TENM2: variants seen among roughly 807,000 people sequenced by gnomAD.
The protein encoded by TENM2 is teneurin-2.
TENM2 carries 52 observed loss-of-function variants against 245.2 expected under a neutral mutation model. The ratio of observed to expected loss-of-function variants is 0.21; its 90% CI spans 0.17 to 0.27. The LOEUF (loss-of-function observed/expected upper bound fraction) is 0.27, where lower values mean the gene tolerates loss of function less well. TENM2 is among the 10% of genes least tolerant of loss of function. TENM2 has a pLI of 1.00. For missense variants in TENM2, 3,046 were observed against 3,666.8 expected, an observed-to-expected ratio of 0.83 and a Z score of 4.37; for synonymous variants, 1,363 against 1,438.9, an observed-to-expected ratio of 0.95 and a Z score of 1.19.
chr5:167,883,471 C>T (rs973715708), intron 3 of TENM2, among the ~76,000 whole-genome samples: 2 of 152,244 alleles, frequency 1.3e-5, no homozygotes, highest in Non-Finnish European at 2.9e-5. Context: ...CACTCTTCTG[C>T]ACCATGGTGC....
At chr5:167,821,119 G>A (rs1444430507) in intron 2 of TENM2, 2 of 152,188 alleles carry the variant, frequency 1.3e-5, no homozygotes, top group African/African-American at 4.8e-5. Flanking sequence ...AAGGGACAGC[G>A]ATTCCTTTGC....
intron 1 of TENM2, among the ~76,000 whole-genome samples, chr5:167,337,034 G>A (rs896780091): frequency 6.8e-6 from 1 of 147,752 alleles, no homozygotes; most frequent in Non-Finnish European, 1.5e-5. Flanking sequence ...GGAGAATGGC[G>A]TGAACCCGGG....
At chr5:167,106,895 A>G in the TENM2 span, among the ~76,000 whole-genome samples, 1 of 152,098 alleles carries the variant, frequency 6.6e-6, no homozygotes, top group African/African-American at 2.4e-5. Context: ...CATAGAAGAT[A>G]GTGCTGTTGA....
chr5:168,050,853 C>T (rs1789021587), intron 6 of TENM2, among the ~76,000 whole-genome samples: 1 of 152,208 alleles, frequency 6.6e-6, no homozygotes, highest in Non-Finnish European at 1.5e-5. Flanking sequence ...CTTTCTTCCA[C>T]TCTCCTTCAA....
At chr5:167,810,566 C>G (rs1459633293) in intron 2 of TENM2, among the ~76,000 whole-genome samples, 2 of 151,544 alleles carry the variant, frequency 1.3e-5, no homozygotes, top group Non-Finnish European at 2.9e-5. Context: ...TTATTGCTCT[C>G]CAGGAATACT....
chr5:167,905,293 A>G (rs1416561989), intron 3 of TENM2, among the ~76,000 whole-genome samples: 1 of 152,214 alleles, frequency 6.6e-6, no homozygotes, highest in African/African-American at 2.4e-5. Flanking sequence ...AAAAGGGGGA[A>G]ATAGGCACTA....
At chr5:168,023,044 G>A (rs1359099689) in intron 5 of TENM2, among the ~76,000 whole-genome samples, 1 of 152,192 alleles carries the variant, frequency 6.6e-6, no homozygotes. Context: ...GGGCAGGAGG[G>A]ACTTGGATTA....
chr5:168,208,638 G>C (rs531672669), intron 19 of TENM2, among the ~76,000 whole-genome samples: 1 of 152,308 alleles, frequency 6.6e-6, no homozygotes, highest in East Asian at 1.9e-4. Flanking sequence ...ATGTGGTCAG[G>C]CTTTGAAAAT....
At chr5:167,402,410 A>G (rs1053885770) in intron 2 of TENM2, among the ~76,000 whole-genome samples, 1 of 152,128 alleles carries the variant, frequency 6.6e-6, no homozygotes, top group Non-Finnish European at 1.5e-5. Context: ...AGTCCTATTC[A>G]GTGAGAAGTA....
chr5:167,965,279 T>C (rs1382909147), intron 4 of TENM2: 1 of 152,246 alleles, frequency 6.6e-6, no homozygotes, highest in Admixed American at 6.5e-5. Flanking sequence ...GTTACATTTA[T>C]GAGGCAAGAG....
chr5:167,489,224 C>T (rs894214597), intron 2 of TENM2, among the ~76,000 whole-genome samples: 86 of 152,180 alleles, frequency 5.7e-4, no homozygotes, highest in Non-Finnish European at 5.9e-5. Context: ...TGCAATGGCA[C>T]TCTGTTGCAC....
intron 2 of TENM2, among the ~76,000 whole-genome samples, chr5:167,819,379 C>G (rs1767323588): frequency 6.6e-6 from 1 of 152,180 alleles, no homozygotes; most frequent in African/African-American, 2.4e-5. Flanking sequence ...GATGCATGTT[C>G]AGGAGAAGCT....
chr5:168,042,812 T>C (rs1354446394), intron 5 of TENM2, among the ~76,000 whole-genome samples: 1 of 152,148 alleles, frequency 6.6e-6, no homozygotes, highest in Non-Finnish European at 1.5e-5. Context: ...CCAAGAAAGT[T>C]TTCTCCAATT....
intron 5 of TENM2, among the ~76,000 whole-genome samples, chr5:168,000,805 T>C (rs1784367957): frequency 6.6e-6 from 1 of 152,192 alleles, no homozygotes; most frequent in Admixed American, 6.5e-5. Context: ...AATTATAAGG[T>C]GCATTCTGAT....
At chr5:167,523,839 A>G (rs1245741235) in intron 2 of TENM2, among the ~76,000 whole-genome samples, 2 of 152,186 alleles carry the variant, frequency 1.3e-5, no homozygotes, top group Non-Finnish European at 2.9e-5. Flanking sequence ...AGAGAGCATT[A>G]ATTAGTCCAA....
chr5:167,524,089 A>G (rs1770948131), intron 2 of TENM2, among the ~76,000 whole-genome samples: 1 of 152,192 alleles, frequency 6.6e-6, no homozygotes, highest in Non-Finnish European at 1.5e-5. Context: ...CACATTCCAT[A>G]TAGACCATAA....
chr5:167,603,139 C>T (rs1776759631), intron 2 of TENM2, among the ~76,000 whole-genome samples: 1 of 152,174 alleles, frequency 6.6e-6, no homozygotes, highest in African/African-American at 2.4e-5. Context: ...TGAGCCATCA[C>T]TAGATCCTCA....
intron 2 of TENM2, among the ~76,000 whole-genome samples, chr5:167,597,601 G>A (rs569780369): frequency 1.3e-5 from 2 of 152,326 alleles, no homozygotes; most frequent in Admixed American, 1.3e-4. Context: ...GAGTCAGGGT[G>A]GTGGGGAGCA....
At chr5:167,583,549 T>A (rs1326157239) in intron 2 of TENM2, among the ~76,000 whole-genome samples, 1 of 147,544 alleles carries the variant, frequency 6.8e-6, no homozygotes, top group Non-Finnish European at 1.5e-5. Flanking sequence ...ACAAAAAACC[T>A]ACTGAACATT....
Sources: allele counts gnomAD v4.1 joint callset (sites outside exome capture counted in the v4.1 genomes callset), GRCh38; gene constraint gnomAD v4.1.1; transcripts MANE v1.5; gene names NCBI Gene and HGNC (gene_info 2026-07-23, HGNC 2026-07-21).